The following PRRX1 variants were observed in gnomAD, a reference collection of about 807,000 sequenced individuals.
The protein encoded by PRRX1 is paired related homeobox 1.
In PRRX1, 8 loss-of-function variants were observed where a neutral mutation model predicts 24.0. The ratio of observed to expected loss-of-function variants is 0.33; its 90% CI spans 0.20 to 0.60. The LOEUF is 0.60. Among genes scored for constraint, PRRX1 ranks in the 20% least tolerant of loss-of-function variants. The pLI, the probability that PRRX1 is intolerant of heterozygous loss-of-function variation, is 0.82. For missense variants in PRRX1, 281 were observed against 322.4 expected (o/e 0.87, Z 0.98); for synonymous variants, 160 against 131.7 (o/e 1.22, Z -1.47).
chr1:170,726,092 A>C lies in PRRX1; in HGVS notation c.418-128A>C, dbSNP rs913165016. On this transcript the variant is annotated intron_variant, in intron 2 of 3. Transcript: ENST00000239461. ...TCTATTGTTCTACGGAGAATTCCATAGCCATCTTATATCTTCTTTGGGAAG... is the reference window on the plus strand; with the variant it reads ...TCTATTGTTCTACGGAGAATTCCATCGCCATCTTATATCTTCTTTGGGAAG... The C allele has an allele frequency of 1.2e-5, 11 of 909,828 alleles. No individual in the cohort carries two copies. The African/African-American group carries it at 1.5e-4, about 12-fold the overall frequency. 56.4% of individuals were successfully genotyped at this position (909,828 alleles called of 1,614,324 possible).
intron 1 of PRRX1, chr1:170,667,696 C>CGCT (rs887031575): frequency 6.6e-6 from 1 of 152,088 alleles, no homozygotes; most frequent in Admixed American, 6.5e-5. Context: ...AGGAGTCTGG[C>CGCT]GCTCTTTGTA....
intron 1 of PRRX1, among the ~76,000 whole-genome samples, chr1:170,666,148 C>T (rs1652919719): frequency 6.6e-6 from 1 of 152,098 alleles, no homozygotes; most frequent in South Asian, 2.1e-4. Context: ...AGTCCAGGCG[C>T]GGTGGCTCAC....
chr1:170,736,386 C>A lies in PRRX1; in HGVS notation c.*200C>A. The A allele has an allele frequency of 1.5e-6, 1 of 661,870 alleles. No homozygotes were observed. Among genetic ancestry groups the A allele is most frequent in the Non-Finnish European group, 2.5e-6 (1 of 392,980 alleles). The allele number at this position is 661,870 out of a possible 1,614,324, so 41.0% of individuals were successfully genotyped here. ...ATTAGTTAACAAATGTTCCTCCTCC[C>A]TCTGGGATACCACCACCACTTGTTT... On this transcript the variant is annotated 3_prime_UTR_variant, in exon 4 of 4. Transcript: ENST00000239461.
In PRRX1 at chr1:170,738,561, A is replaced by G. The variant is rs1655698349; in HGVS notation, c.*2375A>G. On this transcript the variant is annotated 3_prime_UTR_variant, in exon 4 of 4. Transcript: ENST00000239461. ...GATTATCAAGTTTTGAAGGAACTGT[A>G]CATCCCAACAGACTGAAACATTCTA... 3 of 228,720 alleles carry G rather than the reference A, an allele frequency of 1.3e-5. No individual in the cohort carries two copies. The South Asian group carries it at 5.5e-4, about 42-fold the overall frequency. 14.2% of individuals were successfully genotyped at this position (228,720 alleles called of 1,614,324 possible).
In PRRX1 at chr1:170,736,062, A is replaced by T; in HGVS notation, c.614A>T (p.Tyr205Phe). ...TASPYSAMAT[Y>F]SATCANNSPA... ...TGTCCCTACAGCGCCATGGCTACTT[A>T]TTCTGCCACATGTGCCAACAATAGC... The change falls in exon 4 of 4, where the codon TAT becomes TTT. Residue 205 changes from tyrosine (Y) to phenylalanine (F), a missense_variant. Coordinates refer to ENST00000239461, the MANE Select transcript of PRRX1 (RefSeq NM_022716.4). 1 of 1,614,050 alleles carries T rather than the reference A, an allele frequency of 6.2e-7. No homozygotes were observed. The highest frequency in any genetic ancestry group is 8.5e-7 in the Non-Finnish European group (1 of 1,179,926).
At chr1:170,676,715 C>G (rs987321466) in intron 1 of PRRX1, among the ~76,000 whole-genome samples, 19 of 151,956 alleles carry the variant, frequency 1.3e-4, no homozygotes, top group Non-Finnish European at 2.2e-4. Flanking sequence ...TGCTCTGACC[C>G]CATTTTATTT....
At chr1:170,704,705 A>G (rs892734353) in intron 1 of PRRX1, among the ~76,000 whole-genome samples, 1 of 152,182 alleles carries the variant, frequency 6.6e-6, no homozygotes, top group Admixed American at 6.5e-5. Context: ...GAACAAATAA[A>G]ATGGTAAATA....
chr1:170,664,507 G>A (rs776608633), intron 1 of PRRX1, 48 bp downstream of exon 1: 28 of 1,561,636 alleles, frequency 1.8e-5, no homozygotes, highest in Non-Finnish European at 2.4e-5. Context: ...GGGACAGAGG[G>A]CGGGGACCCG....
In PRRX1 at chr1:170,736,510, G is replaced by A; in HGVS notation, c.*324G>A. 1 of 355,512 alleles carries A rather than the reference G, an allele frequency of 2.8e-6. No homozygotes were observed. The allele number at this position is 355,512 out of a possible 1,614,324, so 22.0% of individuals were successfully genotyped here. A position where few individuals can be genotyped will look rare whatever the true frequency, so the allele number is the denominator to read the frequency against. ...AGCCCACCCACCCCCATGATTGTAT[G>A]AAGTTTTAAAAAAAACTACAGCAGC... On this transcript the variant is annotated 3_prime_UTR_variant, in exon 4 of 4. Coordinates refer to ENST00000239461, the MANE Select transcript of PRRX1 (RefSeq NM_022716.4).
At chr1:170,713,802 AACCAAGTCTAT>A (rs1205169580) in intron 1 of PRRX1, among the ~76,000 whole-genome samples, 1 of 152,244 alleles carries the variant, frequency 6.6e-6, no homozygotes, top group African/African-American at 2.4e-5. Flanking sequence ...ACTAAAAATG[AACCAAGTCTAT>A]ACCAAGATGA....
chr1:170,677,760 C>T (rs557206037), intron 1 of PRRX1, among the ~76,000 whole-genome samples: 1 of 152,274 alleles, frequency 6.6e-6, no homozygotes, highest in Admixed American at 6.5e-5. Flanking sequence ...CTTTAGGTCA[C>T]CCTTCCTCTC....
chr1:170,729,275 G>T (rs1212903065), intron 3 of PRRX1, among the ~76,000 whole-genome samples: 1 of 152,244 alleles, frequency 6.6e-6, no homozygotes, highest in East Asian at 1.9e-4. Context: ...GATCAGTGAG[G>T]CATGCCTGCA....
rs1361561431 is a variant in PRRX1 at position 170,736,607 on chromosome 1, T to G, written c.*421T>G. ...TGCCTCTACTGTCCTCATTGACTTG[T>G]TTGAACCTTAGTGCCTTACCCTGTC... On this transcript the variant is annotated 3_prime_UTR_variant, in exon 4 of 4. Coordinates refer to ENST00000239461, the MANE Select transcript of PRRX1 (RefSeq NM_022716.4). 4.5e-6 allele frequency: 1 copy of G among 223,204 alleles called. No individual in the cohort carries two copies. The highest frequency in any genetic ancestry group is 9.3e-6 in the Non-Finnish European group (1 of 108,062). 13.8% of individuals were successfully genotyped at this position (223,204 alleles called of 1,614,324 possible). A position where few individuals can be genotyped will look rare whatever the true frequency, so the allele number is the denominator to read the frequency against.
chr1:170,726,365 C>T lies in PRRX1; in HGVS notation c.563C>T (p.Thr188Ile). ...GTACCTCGTCCTGCTCCGAGACCCACCGATTATCTCTCCTGGGGGACAGCG... is the reference window on the plus strand; with the variant it reads ...GTACCTCGTCCTGCTCCGAGACCCATCGATTATCTCTCCTGGGGGACAGCG... ...PIVPRPAPRPTDYLSWGTASP... is the reference protein window; with the variant it reads ...PIVPRPAPRPIDYLSWGTASP... Residue 188 changes from threonine (T) to isoleucine (I), a missense_variant, in exon 3 of 4, where the codon ACC (threonine) becomes ATC (isoleucine). Coordinates refer to ENST00000239461, the MANE Select transcript of PRRX1 (RefSeq NM_022716.4). 4 of 1,614,134 alleles carry T rather than the reference C, an allele frequency of 2.5e-6. No individual in the cohort carries two copies. Among genetic ancestry groups the T allele is most frequent in the Non-Finnish European group, 3.4e-6 (4 of 1,179,998 alleles).
chr1:170,717,955 C>T (rs929013870), intron 1 of PRRX1, among the ~76,000 whole-genome samples: 1 of 152,160 alleles, frequency 6.6e-6, no homozygotes, highest in East Asian at 1.9e-4. Context: ...CAAGATGCAG[C>T]TGATCTTACA....
At chr1:170,682,436 G>A (rs890986336) in intron 1 of PRRX1, among the ~76,000 whole-genome samples, 1 of 151,684 alleles carries the variant, frequency 6.6e-6, no homozygotes, top group Admixed American at 6.6e-5. Flanking sequence ...AACAGTAGCT[G>A]AAGAGGAAAT....
intron 1 of PRRX1, among the ~76,000 whole-genome samples, chr1:170,708,015 C>T (rs1348085023): frequency 1.3e-5 from 2 of 152,160 alleles, no homozygotes; most frequent in Admixed American, 1.3e-4. Flanking sequence ...TGATTATCTT[C>T]CTTTTCTGGT....
intron 1 of PRRX1, among the ~76,000 whole-genome samples, chr1:170,695,714 C>T (rs1284107383): frequency 6.6e-6 from 1 of 152,178 alleles, no homozygotes; most frequent in African/African-American, 2.4e-5. Context: ...TAAAGAGTCC[C>T]TGAGTGCCTG....
intron 1 of PRRX1, among the ~76,000 whole-genome samples, chr1:170,677,919 T>C (rs1221948162): frequency 6.6e-6 from 1 of 152,226 alleles, no homozygotes; most frequent in South Asian, 2.1e-4. Context: ...CTATGACATA[T>C]GCTTGGGACA....
Sources: gnomAD v4.1 joint callset for allele counts (sites outside exome capture counted in the v4.1 genomes callset) on GRCh38, gnomAD v4.1.1 for gene constraint, MANE v1.5 for transcripts, NCBI Gene and HGNC (gene_info 2026-07-23, HGNC 2026-07-21) for gene names.